Variants in NTM observed in about 807,000 individuals in gnomAD.
NTM encodes the protein neurotrimin.
A neutral mutation model predicts 42.1 loss-of-function variants in NTM; 13 were observed. The ratio of observed to expected loss-of-function variants is 0.31; its 90% confidence interval spans 0.20 to 0.49. NTM has a LOEUF of 0.49. Among genes scored for constraint, NTM ranks in the 20% least tolerant of loss-of-function variants. NTM has a pLI of 0.99. For missense variants in NTM, 373 were observed against 452.8 expected (o/e 0.82, Z 1.60); for synonymous variants, 187 against 179.2 (o/e 1.04, Z -0.35).
chr11:131,577,936 A>G (rs2058074958), intron 1 of NTM, among the ~76,000 whole-genome samples: 1 of 152,234 alleles, frequency 6.6e-6, no homozygotes, highest in East Asian at 1.9e-4. Flanking sequence ...TTGCAATGAC[A>G]AAGAAGTTTA....
chr11:131,596,954 A>G (rs533102651), intron 1 of NTM, among the ~76,000 whole-genome samples: 20 of 152,198 alleles, frequency 1.3e-4, no homozygotes, highest in Non-Finnish European at 2.5e-4. Flanking sequence ...CAGGGCAGGA[A>G]GCATCCAGCA....
At chr11:131,845,766 TAAAAG>T (rs1200761333) in intron 1 of NTM, among the ~76,000 whole-genome samples, 2 of 151,816 alleles carry the variant, frequency 1.3e-5, no homozygotes, top group African/African-American at 4.8e-5. Flanking sequence ...TTTAAAAAAA[TAAAAG>T]AAAAAAGACA....
chr11:131,795,054 C>T lies in NTM; in HGVS notation c.83-116510C>T, dbSNP rs554009120. ...CTGTAGCCAAAGGGGGGGAAAAAAA[C>T]AGCACTAGTGATGTGGTCTTTATTT... is the stretch of plus-strand genomic sequence containing the variant. On this transcript the variant is annotated intron_variant, in intron 1 of 8. Coordinates refer to ENST00000683400, the MANE Select transcript of NTM (RefSeq NM_001352005.2). 1.1e-5 allele frequency: 9 copies of T among 835,912 alleles called. No homozygotes were observed. In the South Asian group the frequency reaches 4.4e-4, roughly 41 times the overall value. The allele number at this position is 835,912 out of a possible 1,614,324, so 51.8% of individuals were successfully genotyped here.
intron 2 of NTM, among the ~76,000 whole-genome samples, chr11:131,975,614 A>G (rs1345069193): frequency 6.6e-6 from 1 of 152,188 alleles, no homozygotes; most frequent in Admixed American, 6.5e-5. Context: ...ATTTGTCATC[A>G]GATGTGTTTG....
At chr11:132,006,044 C>T (rs2070694952) in intron 2 of NTM, among the ~76,000 whole-genome samples, 1 of 152,188 alleles carries the variant, frequency 6.6e-6, no homozygotes, top group Admixed American at 6.5e-5. Flanking sequence ...AGAAATACAG[C>T]CCCTTTCCCT....
chr11:131,773,168 G>A (rs556383969), intron 1 of NTM, among the ~76,000 whole-genome samples: 142 of 152,284 alleles, frequency 9.3e-4, no homozygotes, highest in African/African-American at 3.2e-3. Flanking sequence ...TGAGGACCTG[G>A]TCTCTGCTTC....
chr11:131,491,376 CAA>C (rs1236559207), intron 1 of NTM, among the ~76,000 whole-genome samples: 1 of 150,064 alleles, frequency 6.7e-6, no homozygotes, highest in Non-Finnish European at 1.5e-5. Context: ...TATTTAATAA[CAA>C]TATTATTTTC....
intron 8 of NTM, 61 bp downstream of exon 8, chr11:132,330,246 C>A: frequency 6.5e-7 from 1 of 1,530,126 alleles, no homozygotes; most frequent in Non-Finnish European, 8.8e-7. Flanking sequence ...AAACTCTTCA[C>A]CTTCCTCCCA....
At chr11:131,450,304 T>C (rs548836357) in intron 1 of NTM, among the ~76,000 whole-genome samples, 18 of 152,298 alleles carry the variant, frequency 1.2e-4, no homozygotes, top group Middle Eastern at 3.4e-3. Flanking sequence ...GGTGAGGAAG[T>C]GGGGGAGTCA....
At chr11:131,579,898 C>T (rs555730374) in intron 1 of NTM, among the ~76,000 whole-genome samples, 45 of 152,250 alleles carry the variant, frequency 3.0e-4, no homozygotes, top group Middle Eastern at 3.4e-3. Flanking sequence ...TTGAGTGAGC[C>T]CCATGATTTT....
intron 1 of NTM, chr11:131,776,989 C>A: frequency 4.3e-6 from 1 of 234,026 alleles, no homozygotes; most frequent in Non-Finnish European, 7.0e-6. Flanking sequence ...TGGGCAGCTG[C>A]TTCTCATCAA....
At chr11:132,049,029 A>G (rs2078458713) in intron 2 of NTM, among the ~76,000 whole-genome samples, 1 of 151,960 alleles carries the variant, frequency 6.6e-6, no homozygotes, top group South Asian at 2.1e-4. Flanking sequence ...ATGAGCCCAG[A>G]AAAAGGGAAT....
chr11:131,803,151 T>C (rs1015961671), intron 1 of NTM, among the ~76,000 whole-genome samples: 2 of 152,168 alleles, frequency 1.3e-5, no homozygotes, highest in Non-Finnish European at 2.9e-5. Flanking sequence ...ATTTGTGGGA[T>C]GTTTTATTCC....
chr11:131,510,029 G>T (rs182285187), intron 1 of NTM, among the ~76,000 whole-genome samples: 6 of 152,296 alleles, frequency 3.9e-5, no homozygotes, highest in African/African-American at 1.4e-4. Flanking sequence ...CACGTCTCTA[G>T]AGTTTCTTCT....
intron 2 of NTM, among the ~76,000 whole-genome samples, chr11:131,953,686 T>C (rs1203698238): frequency 6.6e-6 from 1 of 152,024 alleles, no homozygotes; most frequent in African/African-American, 2.4e-5. Context: ...AAATACAAAA[T>C]GATCACAGGC....
chr11:132,059,612 A>G (rs1594214047), intron 2 of NTM, among the ~76,000 whole-genome samples: 1 of 152,016 alleles, frequency 6.6e-6, no homozygotes, highest in Non-Finnish European at 1.5e-5. Flanking sequence ...GAACCTCACT[A>G]CTCAAGCCAA....
intron 3 of NTM, among the ~76,000 whole-genome samples, chr11:132,180,847 G>A (rs139972143): frequency 6.6e-5 from 10 of 152,080 alleles, no homozygotes; most frequent in East Asian, 1.9e-4. Context: ...CATTGTATTC[G>A]CTACTACCAG....
intron 2 of NTM, among the ~76,000 whole-genome samples, chr11:131,988,358 A>G (rs944102452): frequency 3.4e-4 from 52 of 152,212 alleles, no homozygotes; most frequent in African/African-American, 1.1e-3. Context: ...TTGTTAAGGA[A>G]CATTTGCACA....
intron 3 of NTM, among the ~76,000 whole-genome samples, chr11:132,156,326 T>A (rs1372093431): frequency 6.6e-6 from 1 of 152,226 alleles, no homozygotes; most frequent in Non-Finnish European, 1.5e-5. Context: ...CTTTGAACGT[T>A]CCCTTCCCTC....
Sources: allele counts gnomAD v4.1 joint callset (sites outside exome capture counted in the v4.1 genomes callset), GRCh38; gene constraint gnomAD v4.1.1; transcripts MANE v1.5; gene names NCBI Gene and HGNC (gene_info 2026-07-23, HGNC 2026-07-21).